TASP1: variants seen among roughly 807,000 people sequenced by gnomAD.
TASP1 encodes taspase 1, also known as threonine aspartase 1.
In TASP1, 16 loss-of-function variants were observed where a neutral mutation model predicts 56.6. The observed-to-expected ratio is 0.28, with a 90% CI of 0.19 to 0.43. The LOEUF (loss-of-function observed/expected upper bound fraction) is 0.43. Among genes scored for constraint, TASP1 ranks in the 20% least tolerant of loss-of-function variants. The probability of loss-of-function intolerance (pLI) is 1.00; values close to 1 mark genes in which losing one functional copy is unlikely to be tolerated. For synonymous variants in TASP1, 179 were observed against 184.2 expected, an observed-to-expected ratio of 0.97 and a Z score of 0.23; for missense variants, 393 against 511.6, an observed-to-expected ratio of 0.77 and a Z score of 2.24.
rs2047354696 is a variant in TASP1, at chr20:13,587,590, TAGC to T, written c.283-223_283-221del. Among the ~76,000 whole-genome samples the T allele has an allele frequency of 2.6e-5, 4 of 151,244 alleles. 1 individual carries two copies. The highest frequency in any genetic ancestry group is 4.2e-4 in the South Asian group (2 of 4,792). On this transcript the variant is annotated intron_variant, in intron 4 of 13. Transcript: ENST00000337743. Reference sequence around the variant, plus strand: ...ATTGACCAAAAAAACATCAAAGAAATAGCAGCAAAACAAATCCAGCAAAATATA... The same window carrying T: ...ATTGACCAAAAAAACATCAAAGAAATAGCAAAACAAATCCAGCAAAATATA...
the TASP1 span, among the ~76,000 whole-genome samples, chr20:13,373,724 CAG>C: frequency 6.6e-6 from 1 of 152,082 alleles, no homozygotes; most frequent in Admixed American, 6.6e-5. Flanking sequence ...ATATGTTAAA[CAG>C]AAAATAATGG....
the TASP1 span, among the ~76,000 whole-genome samples, chr20:13,379,545 CAT>C: frequency 6.6e-6 from 1 of 151,946 alleles, no homozygotes; most frequent in Non-Finnish European, 1.5e-5. Context: ...ATCTGACAAA[CAT>C]GCGTCTCGTG....
chr20:13,638,087 A>G (rs1300758972), intron 1 of TASP1, among the ~76,000 whole-genome samples: 1 of 152,220 alleles, frequency 6.6e-6, no homozygotes, highest in Non-Finnish European at 1.5e-5. Flanking sequence ...TGATCTCTTC[A>G]TAACTATTTC....
chr20:13,398,388 G>T (rs78349653), intron 13 of TASP1, among the ~76,000 whole-genome samples: 2,688 of 151,658 alleles, frequency 0.018, 75 homozygotes, highest in African/African-American at 0.059. Context: ...AAAAAAAAGC[G>T]GGGGGCAGTG....
chr20:13,539,501 C>T (rs573288386), intron 8 of TASP1, among the ~76,000 whole-genome samples: 5 of 151,778 alleles, frequency 3.3e-5, no homozygotes, highest in South Asian at 2.1e-4. Context: ...AGTGAGCAAT[C>T]GTCACACCAC....
chr20:13,140,742 T>C, the TASP1 span, among the ~76,000 whole-genome samples: 2 of 152,334 alleles, frequency 1.3e-5, no homozygotes, highest in East Asian at 1.9e-4. Context: ...TAACTATTAA[T>C]TTTTGAATTT....
At chr20:13,353,954 G>T in the TASP1 span, among the ~76,000 whole-genome samples, 2 of 152,074 alleles carry the variant, frequency 1.3e-5, no homozygotes, top group Non-Finnish European at 2.9e-5. Context: ...GGGTTCAGAA[G>T]AAAACTTCAA....
the TASP1 span, among the ~76,000 whole-genome samples, chr20:13,158,135 G>C: frequency 6.6e-6 from 1 of 152,156 alleles, no homozygotes; most frequent in Non-Finnish European, 1.5e-5. Flanking sequence ...TAATACACTT[G>C]GAAGATGGTG....
chr20:13,311,949 AT>A, the TASP1 span, among the ~76,000 whole-genome samples: 3 of 152,324 alleles, frequency 2.0e-5, no homozygotes, highest in Admixed American at 1.3e-4. Context: ...CTCAAAAAAA[AT>A]GAATGTGGTG....
At chr20:13,308,027 G>A in the TASP1 span, among the ~76,000 whole-genome samples, 25 of 152,256 alleles carry the variant, frequency 1.6e-4, no homozygotes, top group Admixed American at 6.5e-4. Context: ...TGGACACTCC[G>A]TTTAGGAGTG....
the TASP1 span, among the ~76,000 whole-genome samples, chr20:13,325,889 T>C: frequency 6.6e-6 from 1 of 152,170 alleles, no homozygotes; most frequent in African/African-American, 2.4e-5. Flanking sequence ...CTTATGAATA[T>C]AGAACACCAA....
chr20:13,416,887 G>A (rs1351406950), intron 13 of TASP1, among the ~76,000 whole-genome samples: 5 of 152,194 alleles, frequency 3.3e-5, no homozygotes, highest in Non-Finnish European at 4.4e-5. Context: ...CTCACTGAGC[G>A]ACGAGTGCCA....
chr20:13,406,856 CAG>C (rs2041943810), intron 13 of TASP1, among the ~76,000 whole-genome samples: 1 of 151,850 alleles, frequency 6.6e-6, no homozygotes, highest in Admixed American at 6.6e-5. Flanking sequence ...TTAGTAGAGA[CAG>C]GGTTTCACTA....
At chr20:13,430,124 T>C (rs2042755562) in intron 12 of TASP1, among the ~76,000 whole-genome samples, 1 of 152,040 alleles carries the variant, frequency 6.6e-6, no homozygotes, top group African/African-American at 2.4e-5. Context: ...AAAAAGAGAA[T>C]CAGGATCTAC....
the TASP1 span, among the ~76,000 whole-genome samples, chr20:13,307,406 A>C: frequency 6.6e-6 from 1 of 152,220 alleles, no homozygotes; most frequent in African/African-American, 2.4e-5. Context: ...ACCAAGAAAA[A>C]ACAGAATATA....
intron 10 of TASP1, among the ~76,000 whole-genome samples, chr20:13,515,269 A>G (rs2044479245): frequency 6.6e-6 from 1 of 152,140 alleles, no homozygotes; most frequent in Non-Finnish European, 1.5e-5. Context: ...ATTAATGCTC[A>G]CAGGGATACC....
chr20:13,638,383 C>T (rs187668075), intron 1 of TASP1, among the ~76,000 whole-genome samples: 3 of 152,000 alleles, frequency 2.0e-5, no homozygotes, highest in Admixed American at 1.3e-4. Context: ...TCTCCAGCTG[C>T]TCCATCTTCT....
the TASP1 span, among the ~76,000 whole-genome samples, chr20:13,232,858 T>C: frequency 6.6e-6 from 1 of 152,204 alleles, no homozygotes; most frequent in Non-Finnish European, 1.5e-5. Flanking sequence ...TATGAAATAC[T>C]GAAAGAAGGA....
the TASP1 span, among the ~76,000 whole-genome samples, chr20:13,264,440 A>G: frequency 6.6e-6 from 1 of 152,216 alleles, no homozygotes; most frequent in Non-Finnish European, 1.5e-5. Flanking sequence ...AATGATGCTT[A>G]GCACATTTTT....
Sources: allele counts gnomAD v4.1 joint callset (sites outside exome capture counted in the v4.1 genomes callset), GRCh38; gene constraint gnomAD v4.1.1; transcripts MANE v1.5; gene names NCBI Gene and HGNC (gene_info 2026-07-23, HGNC 2026-07-21).